The following KIRREL1 variants were observed in gnomAD, a reference collection of about 807,000 sequenced individuals.
KIRREL1 encodes the protein kin of IRRE-like protein 1.
Under a neutral mutation model 83.3 loss-of-function variants are expected in KIRREL1, and 25 were observed. The observed-to-expected ratio is 0.30, with a 90% confidence interval of 0.22 to 0.42. The LOEUF is 0.42. Among genes scored for constraint, KIRREL1 ranks in the 10% least tolerant of loss-of-function variants. KIRREL1 has a pLI of 1.00. For synonymous variants in KIRREL1, 388 were observed against 410.4 expected (o/e 0.95, Z 0.66); for missense variants, 812 against 1,032.3 (o/e 0.79, Z 2.92).
intron 1 of KIRREL1, among the ~76,000 whole-genome samples, chr1:158,027,628 A>G (rs1223429053): frequency 1.3e-5 from 2 of 152,254 alleles, no homozygotes; most frequent in East Asian, 3.8e-4. Context: ...GGAGATTCCA[A>G]GGACTTTAGG....
chr1:158,094,733 C>G lies in KIRREL1; in HGVS notation c.1887C>G (p.Gly629=), dbSNP rs111913671. The G allele has an allele frequency of 6.2e-6, 10 of 1,613,574 alleles. No individual in the cohort carries two copies. The highest frequency in any genetic ancestry group is 1.6e-4 in the Middle Eastern group (1 of 6,062). The part of the protein sequence containing the change: ...AVLYADYRAP[G]PARFDGRPSS... Reference sequence around the variant, plus strand: ...TCTATGCTGACTACCGTGCCCCTGGCCCTGCCCGCTTCGACGGCCGCCCCT... The same window carrying G: ...TCTATGCTGACTACCGTGCCCCTGGGCCTGCCCGCTTCGACGGCCGCCCCT... Residue 629 remains glycine, a synonymous_variant, in exon 15 of 15, where the codon GGC becomes GGG. Transcript: ENST00000359209. The surrounding 1 kb of genome is among the most constrained non-coding windows in gnomAD (Gnocchi z 4.6).
In KIRREL1 at chr1:158,017,769, T is replaced by TA. The variant is rs397822488; in HGVS notation, c.52+24044dup. 6.9e-4 allele frequency among the ~76,000 whole-genome samples: 105 copies of TA among 151,136 alleles called. 1 individual carries two copies. Among genetic ancestry groups the TA allele is most frequent in the Non-Finnish European group, 2.7e-4 (18 of 67,802 alleles). On this transcript the variant is annotated intron_variant, in intron 1 of 14. Coordinates refer to ENST00000359209, the MANE Select transcript of KIRREL1 (RefSeq NM_018240.7). ...TTTTTTTCTATTTTTCTGTTTTTTT[T>TA]AAACCTCTTTCCTAATTACTTACAA...
chr1:158,036,737 G>A (rs941823423), intron 1 of KIRREL1, among the ~76,000 whole-genome samples: 4 of 152,172 alleles, frequency 2.6e-5, no homozygotes, highest in African/African-American at 7.2e-5. Flanking sequence ...GGCTTGGGCT[G>A]GATTATACCT....
At chr1:158,007,508 G>A (rs1461630408) in intron 1 of KIRREL1, among the ~76,000 whole-genome samples, 1 of 152,168 alleles carries the variant, frequency 6.6e-6, no homozygotes, top group Non-Finnish European at 1.5e-5. Flanking sequence ...TGTGGTCCCT[G>A]CAGCATTCAC....
At chr1:158,010,283 C>G (rs1329776503) in intron 1 of KIRREL1, among the ~76,000 whole-genome samples, 1 of 151,176 alleles carries the variant, frequency 6.6e-6, no homozygotes, top group Non-Finnish European at 1.5e-5. Context: ...ATCTTCAGAT[C>G]TGGTCTGAAC....
intron 1 of KIRREL1, among the ~76,000 whole-genome samples, chr1:158,063,791 G>T (rs1661281549): frequency 6.6e-6 from 1 of 152,176 alleles, no homozygotes; most frequent in Admixed American, 6.5e-5. Context: ...TCTTGTCAAA[G>T]ACATCACTTC....
At position 158,087,780 on chromosome 1, in the gene KIRREL1, T is replaced by C; in HGVS notation, c.687T>C (p.Ile229=). 1 of 1,614,022 alleles carries C rather than the reference T, an allele frequency of 6.2e-7. No homozygotes were observed. The stretch of plus-strand genomic sequence containing the variant: ...ACCCTCCTACAGTGACCCTGTCCAT[T>C]GAGCCACAGACGGTGCAGGAGGGTG... ...VHHPPTVTLS[I]EPQTVQEGER... The change falls in exon 6 of 15, where the codon ATT becomes ATC. Residue 229 remains isoleucine (I), a synonymous_variant. Coordinates refer to ENST00000359209, the MANE Select transcript of KIRREL1 (RefSeq NM_018240.7).
intron 1 of KIRREL1, among the ~76,000 whole-genome samples, chr1:158,055,577 A>G (rs1193596579): frequency 2.0e-5 from 3 of 152,184 alleles, no homozygotes; most frequent in Non-Finnish European, 4.4e-5. Flanking sequence ...GAATGCCAAC[A>G]TGTCATGAAT....
intron 1 of KIRREL1, among the ~76,000 whole-genome samples, chr1:158,020,698 A>G (rs1416607203): frequency 1.3e-5 from 2 of 151,758 alleles, no homozygotes; most frequent in African/African-American, 4.8e-5. Context: ...TGTTTAACTC[A>G]AAGTCTAGTT....
intron 1 of KIRREL1, among the ~76,000 whole-genome samples, chr1:158,023,672 G>T (rs1184116868): frequency 2.0e-5 from 3 of 152,098 alleles, no homozygotes; most frequent in Admixed American, 2.0e-4. Context: ...TGGGTGCACC[G>T]GGAAAATCAT....
At chr1:158,069,744 G>C (rs752175486) in intron 1 of KIRREL1, among the ~76,000 whole-genome samples, 4 of 152,190 alleles carry the variant, frequency 2.6e-5, no homozygotes, top group African/African-American at 4.8e-5. Context: ...TGTGCTCTCT[G>C]TCCGATACTT....
intron 1 of KIRREL1, among the ~76,000 whole-genome samples, chr1:158,017,404 A>AT (rs767175756): frequency 6.0e-5 from 9 of 149,368 alleles, no homozygotes; most frequent in Non-Finnish European, 1.0e-4. Context: ...ATTAAAATAC[A>AT]TTTTTTGCCT....
chr1:158,089,264 C>T (rs543693078), intron 8 of KIRREL1, among the ~76,000 whole-genome samples: 10 of 152,348 alleles, frequency 6.6e-5, no homozygotes, highest in South Asian at 2.1e-4. Flanking sequence ...GCAGCCTTCA[C>T]CTGCCCTCTC....
chr1:158,077,298 GGAGA>G (rs1328613098), intron 2 of KIRREL1, among the ~76,000 whole-genome samples: 2 of 152,134 alleles, frequency 1.3e-5, no homozygotes, highest in African/African-American at 4.8e-5. Flanking sequence ...AAAGAAACTG[GGAGA>G]GAGAGTGAGA....
chr1:158,065,932 C>G (rs980491817), intron 1 of KIRREL1, among the ~76,000 whole-genome samples: 3 of 152,084 alleles, frequency 2.0e-5, no homozygotes, highest in Admixed American at 2.0e-4. Context: ...AGATGGTCTC[C>G]TTACTTTATT....
intron 1 of KIRREL1, among the ~76,000 whole-genome samples, chr1:158,001,316 G>A (rs1325548875): frequency 2.0e-5 from 3 of 152,164 alleles, no homozygotes; most frequent in Non-Finnish European, 2.9e-5. Context: ...TGTGATTTCA[G>A]TGCAAATTAC....
chr1:158,085,366 G>A (rs887820275), intron 4 of KIRREL1, among the ~76,000 whole-genome samples: 13 of 152,186 alleles, frequency 8.5e-5, no homozygotes, highest in Non-Finnish European at 1.8e-4. Context: ...CCTGGCTTCT[G>A]GCTTCAGTTC....
chr1:158,091,130 T>A (rs1364251416), intron 10 of KIRREL1, among the ~76,000 whole-genome samples: 1 of 152,234 alleles, frequency 6.6e-6, no homozygotes, highest in Non-Finnish European at 1.5e-5. Context: ...AAATCTGATG[T>A]CAGCCATGCT....
At chr1:158,014,628 C>T (rs1473464422) in intron 1 of KIRREL1, among the ~76,000 whole-genome samples, 4 of 145,904 alleles carry the variant, frequency 2.7e-5, no homozygotes, top group Admixed American at 1.4e-4. Context: ...TCCCTTAGAC[C>T]GACACTGGGC....
Sources: allele counts gnomAD v4.1 joint callset (sites outside exome capture counted in the v4.1 genomes callset), GRCh38; gene constraint gnomAD v4.1.1; non-coding constraint Gnocchi (gnomAD v3.1); transcripts MANE v1.5; gene names NCBI Gene and HGNC (gene_info 2026-07-23, HGNC 2026-07-21).